ARHGAP18: variants seen among roughly 807,000 people sequenced by gnomAD.
ARHGAP18 encodes the protein Rho GTPase activating protein 18.
A neutral mutation model predicts 86.2 loss-of-function variants in ARHGAP18; 67 were observed. The ratio of observed to expected loss-of-function variants is 0.78; its 90% CI spans 0.64 to 0.95. ARHGAP18 has a LOEUF of 0.95. ARHGAP18 is among the 40% of genes least tolerant of loss of function. The pLI is 0.00. For synonymous variants in ARHGAP18, 283 were observed against 280.4 expected, an observed-to-expected ratio of 1.01 and a Z score of -0.09; for missense variants, 691 against 780.4, an observed-to-expected ratio of 0.89 and a Z score of 1.37.
chr6:129,584,223 A>C, intron 12 of ARHGAP18, 111 bp from the exon 13 acceptor site: 1 of 1,427,154 alleles, frequency 7.0e-7, no homozygotes, highest in South Asian at 1.5e-5. Context: ...ACTTCACTAC[A>C]TAAAAACCTT....
At chr6:129,578,869 T>G (rs1380028607) in intron 14 of ARHGAP18, among the ~76,000 whole-genome samples, 1 of 151,742 alleles carries the variant, frequency 6.6e-6, no homozygotes, top group African/African-American at 2.4e-5. Flanking sequence ...GGGGCTGAGG[T>G]GGGAGGATGG....
At position 129,612,999 on chromosome 6, in the gene ARHGAP18, C is replaced by T. The variant is rs371700092; in HGVS notation, c.1045-1389G>A. On this transcript the variant is annotated intron_variant, in intron 7 of 14. Transcript: ENST00000368149. ...CTGTAATCCCAGCACTTTGGGAGGG[C>T]GAGGCGGGCGGATCACAAGGTCAGG... is the stretch of plus-strand genomic sequence containing the variant. Among the ~76,000 whole-genome samples, 23 of 152,032 alleles carry T rather than the reference C, an allele frequency of 1.5e-4. No homozygotes were observed. In the South Asian group the frequency reaches 4.8e-3, roughly 32 times the overall value.
intron 3 of ARHGAP18, among the ~76,000 whole-genome samples, chr6:129,637,379 C>T (rs185310856): frequency 4.7e-4 from 71 of 152,260 alleles, no homozygotes; most frequent in Middle Eastern, 3.4e-3. Flanking sequence ...TCTCTGATAC[C>T]TCCCTTCATT....
At chr6:129,597,985 C>T (rs1788654193) in intron 12 of ARHGAP18, among the ~76,000 whole-genome samples, 2 of 152,020 alleles carry the variant, frequency 1.3e-5, no homozygotes, top group Non-Finnish European at 1.5e-5. Context: ...AAAAGGTACA[C>T]CCCAAATGTT....
chr6:129,624,896 G>A (rs1012185805), intron 5 of ARHGAP18, among the ~76,000 whole-genome samples: 3 of 146,636 alleles, frequency 2.0e-5, no homozygotes, highest in Non-Finnish European at 4.5e-5. Flanking sequence ...AGTGAGCTGA[G>A]ATCACACCAT....
chr6:129,706,371 T>C (rs1220162137), intron 1 of ARHGAP18, among the ~76,000 whole-genome samples: 5 of 152,194 alleles, frequency 3.3e-5, no homozygotes, highest in Non-Finnish European at 5.9e-5. Flanking sequence ...AACATATTTC[T>C]TCAAATCCTC....
At chr6:129,642,214 G>A (rs181446731) in intron 1 of ARHGAP18, among the ~76,000 whole-genome samples, 196 bp from the exon 2 acceptor site, 3 of 152,266 alleles carry the variant, frequency 2.0e-5, no homozygotes, top group Middle Eastern at 3.4e-3. Flanking sequence ...ATGCTCCACA[G>A]AAAAGTATGG....
intron 1 of ARHGAP18, among the ~76,000 whole-genome samples, chr6:129,683,866 C>T (rs35365927): frequency 0.19 from 28,749 of 151,826 alleles, 3,052 homozygotes; most frequent in South Asian, 0.31. Context: ...GTAACCACGG[C>T]GGGGGGGAGT....
intron 11 of ARHGAP18, among the ~76,000 whole-genome samples, chr6:129,600,370 A>C (rs1788713020): frequency 6.6e-6 from 1 of 152,306 alleles, no homozygotes; most frequent in Non-Finnish European, 1.5e-5. Context: ...GAATAATCTG[A>C]AACCAAGATA....
intron 12 of ARHGAP18, among the ~76,000 whole-genome samples, chr6:129,584,437 A>G (rs1350515295): frequency 3.3e-5 from 5 of 152,234 alleles, no homozygotes; most frequent in Admixed American, 6.5e-5. Flanking sequence ...GTAGCAATTT[A>G]TGAAATTGAA....
chr6:129,684,227 A>G (rs1774386622), intron 1 of ARHGAP18, among the ~76,000 whole-genome samples: 1 of 152,198 alleles, frequency 6.6e-6, no homozygotes, highest in South Asian at 2.1e-4. Flanking sequence ...AACACTATAA[A>G]TGGCTACATA....
chr6:129,584,205 C>G (rs543074858), intron 12 of ARHGAP18, 93 bp from the exon 13 acceptor site: 4 of 1,499,132 alleles, frequency 2.7e-6, no homozygotes, highest in Admixed American at 4.1e-5. Context: ...TTAACTACTA[C>G]GCATTTTACT....
intron 9 of ARHGAP18, 109 bp from the exon 10 acceptor site, chr6:129,606,068 A>T: frequency 1.0e-6 from 1 of 1,001,900 alleles, no homozygotes; most frequent in Non-Finnish European, 1.5e-6. Context: ...CATGACTGTA[A>T]AATGTAAGAC....
intron 5 of ARHGAP18, among the ~76,000 whole-genome samples, chr6:129,626,672 TAC>T (rs66753341): frequency 0.096 from 14,066 of 146,994 alleles, 660 homozygotes; most frequent in African/African-American, 0.12. Flanking sequence ...CACACACACA[TAC>T]ACACACACAC....
intron 1 of ARHGAP18, among the ~76,000 whole-genome samples, chr6:129,675,532 A>C (rs1377792803): frequency 6.6e-6 from 1 of 152,130 alleles, no homozygotes; most frequent in Non-Finnish European, 1.5e-5. Context: ...ATTATCTGGC[A>C]ATGTCATCTG....
chr6:129,706,707 T>G (rs542647347), intron 1 of ARHGAP18, among the ~76,000 whole-genome samples: 1 of 139,990 alleles, frequency 7.1e-6, no homozygotes, highest in African/African-American at 2.7e-5. Context: ...GTCAACATGG[T>G]GAAACCCCGT....
intron 1 of ARHGAP18, 94 bp downstream of exon 1, chr6:129,709,930 T>C (rs1369810661): frequency 1.0e-6 from 1 of 977,314 alleles, no homozygotes; most frequent in Non-Finnish European, 1.6e-6. Context: ...GACGTGCAGA[T>C]GGAATTCCCT....
At chr6:129,629,947 T>A (rs1038945492) in intron 4 of ARHGAP18, among the ~76,000 whole-genome samples, 3 of 152,222 alleles carry the variant, frequency 2.0e-5, no homozygotes, top group Admixed American at 6.5e-5. Flanking sequence ...ATTTAATTAA[T>A]TTCCTCTGAG....
chr6:129,593,299 A>G (rs572047381), intron 12 of ARHGAP18, among the ~76,000 whole-genome samples: 4 of 152,052 alleles, frequency 2.6e-5, no homozygotes, highest in African/African-American at 7.2e-5. Context: ...GTCTCTACAA[A>G]ATAGTTTAAA....
Sources: allele counts gnomAD v4.1 joint callset (sites outside exome capture counted in the v4.1 genomes callset), GRCh38; gene constraint gnomAD v4.1.1; transcripts MANE v1.5; gene names NCBI Gene and HGNC (gene_info 2026-07-23, HGNC 2026-07-21).